TSC1: variants seen among roughly 807,000 people sequenced by gnomAD.
The protein encoded by TSC1 is TSC complex subunit 1.
A neutral mutation model predicts 124.3 loss-of-function variants in TSC1; 20 were observed. That is an observed-to-expected ratio of 0.16 (90% CI 0.11 to 0.23). TSC1 has a LOEUF of 0.23. Among genes scored for constraint, TSC1 ranks in the 10% least tolerant of loss-of-function variants. The probability of loss-of-function intolerance (pLI) is 1.00; values close to 1 mark genes in which losing one functional copy is unlikely to be tolerated. For missense variants in TSC1, 1,124 were observed against 1,448.5 expected, an observed-to-expected ratio of 0.78 and a Z score of 3.64; for synonymous variants, 493 against 539.1, an observed-to-expected ratio of 0.91 and a Z score of 1.19.
chr9:132,917,480 A>C (rs1846324569), intron 8 of TSC1, among the ~76,000 whole-genome samples: 1 of 151,842 alleles, frequency 6.6e-6, no homozygotes, highest in South Asian at 2.1e-4. Context: ...ACAGGCACCC[A>C]CCACCATGCC....
At position 132,921,293 on chromosome 9, in the gene TSC1, G is replaced by A. The variant is rs1298857695; in HGVS notation, c.737+70C>T. On this transcript the variant is annotated intron_variant, in intron 8 of 22. Coordinates refer to ENST00000298552, the MANE Select transcript of TSC1 (RefSeq NM_000368.5). The surrounding 1 kb of genome is among the most constrained non-coding windows in gnomAD (Gnocchi z 4.3). ...TATATTCCCAAATATACCTCAACAG[G>A]GATTACCTCCTAGATCACATTTTCA... 6.6e-7 allele frequency: 1 copy of A among 1,507,618 alleles called. No individual in the cohort carries two copies. Among genetic ancestry groups the A allele is most frequent in the Non-Finnish European group, 9.2e-7 (1 of 1,087,216 alleles). The allele number at this position is 1,507,618 out of a possible 1,614,324, so 93.4% of individuals were successfully genotyped here.
rs974654245 is a variant in TSC1, at chr9:132,895,078, G to A, written c.*1157C>T. ...AGACTGCTCTGCCATTACTAACATG[G>A]AGAGTGTGATGACATCAGCTCCCTG... On this transcript the variant is annotated 3_prime_UTR_variant, in exon 23 of 23. Coordinates refer to ENST00000298552, the MANE Select transcript of TSC1 (RefSeq NM_000368.5). 3 of 232,948 alleles carry A rather than the reference G, an allele frequency of 1.3e-5. No homozygotes were observed. Among genetic ancestry groups the A allele is most frequent in the African/African-American group, 6.6e-5 (3 of 45,296 alleles). The allele number at this position is 232,948 out of a possible 1,614,324, so 14.4% of individuals were successfully genotyped here.
At chr9:132,904,274 G>T in intron 16 of TSC1, 137 bp downstream of exon 16, 1 of 962,626 alleles carries the variant, frequency 1.0e-6, no homozygotes, top group Non-Finnish European at 1.6e-6. Context: ...AGATCCTTTA[G>T]CCAAGCAGAT....
At chr9:132,916,845 T>C (rs1020781447) in intron 8 of TSC1, among the ~76,000 whole-genome samples, 3 of 152,206 alleles carry the variant, frequency 2.0e-5, no homozygotes, top group Admixed American at 2.0e-4. Flanking sequence ...TCCTGACACT[T>C]TCCCTGGACA....
intron 3 of TSC1, among the ~76,000 whole-genome samples, chr9:132,928,169 CTAATT>C (rs1564504343): frequency 6.6e-6 from 1 of 152,176 alleles, no homozygotes; most frequent in Non-Finnish European, 1.5e-5. Context: ...CTCTACATAA[CTAATT>C]TAACCATTCA....
At chr9:132,936,858 A>T (rs1256364075) in intron 1 of TSC1, among the ~76,000 whole-genome samples, 1 of 152,248 alleles carries the variant, frequency 6.6e-6, no homozygotes, top group Non-Finnish European at 1.5e-5. Context: ...TACCCTAAAC[A>T]TGGAAAAAAC....
Position 132,896,060 on chromosome 9 carries a change from A to T in TSC1, c.*175T>A. On this transcript the variant is annotated 3_prime_UTR_variant, in exon 23 of 23. Transcript: ENST00000298552. This position sits in a 1 kb window ranked among gnomAD's most constrained non-coding sequence, Gnocchi z 4.5. ...GGAGGGGAAGGTCAAGAGGCATTTC[A>T]ATGCCAGATCCAAAAACCGTTCTGC... The T allele has an allele frequency of 2.2e-6, 2 of 914,158 alleles. No homozygotes were observed. Among genetic ancestry groups the T allele is most frequent in the Non-Finnish European group, 3.5e-6 (2 of 577,074 alleles). The allele number at this position is 914,158 out of a possible 1,614,324, so 56.6% of individuals were successfully genotyped here.
intron 2 of TSC1, among the ~76,000 whole-genome samples, chr9:132,933,344 G>A (rs1394439026): frequency 6.6e-6 from 1 of 152,166 alleles, no homozygotes; most frequent in Non-Finnish European, 1.5e-5. Flanking sequence ...GGGATTACGG[G>A]TGTGAGCCAC....
At position 132,894,119 on chromosome 9, in the gene TSC1, A is replaced by G; in HGVS notation, c.*2116T>C. The stretch of plus-strand genomic sequence containing the variant: ...AAAGGACACCCAGGCCGCATGGATG[A>G]GCTGAGGACCCTGTGCAGACACGTC... On this transcript the variant is annotated 3_prime_UTR_variant, in exon 23 of 23. Coordinates refer to ENST00000298552, the MANE Select transcript of TSC1 (RefSeq NM_000368.5). The G allele has an allele frequency of 4.3e-6, 1 of 233,660 alleles. No individual in the cohort carries two copies. Among genetic ancestry groups the G allele is most frequent in the Non-Finnish European group, 8.5e-6 (1 of 118,028 alleles). 14.5% of individuals were successfully genotyped at this position (233,660 alleles called of 1,614,324 possible).
chr9:132,944,877 C>T, upstream of TSC1: 1 of 334,512 alleles, frequency 3.0e-6, no homozygotes, highest in Non-Finnish European at 5.4e-6. Context: ...TGTGACTCCG[C>T]GAAGGAGGCA....
Position 132,911,034 on chromosome 9 carries a change from G to A in TSC1, c.1109C>T (p.Ser370Leu), listed in dbSNP as rs796053457. The change falls in exon 11 of 23, where the codon TCA becomes TTA. Residue 370 changes from serine (S) to leucine (L), a missense_variant. Physicochemically the swap from Ser to Leu is moderately radical, Grantham distance 145. Transcript: ENST00000298552. ...ACCAAAGACTTTACTGTAAGGGTGT[G>A]ACAGATCAGGTGGGACATTTCCAGG... is the stretch of plus-strand genomic sequence containing the variant. ...TSPGNVPPDL[S>L]HPYSKVFGTT... is the part of the protein sequence containing the mutation. 6.2e-7 allele frequency: 1 copy of A among 1,614,186 alleles called. No individual in the cohort carries two copies. The highest frequency in any genetic ancestry group is 8.5e-7 in the Non-Finnish European group (1 of 1,180,026).
Position 132,903,879 on chromosome 9 carries a change from C to A in TSC1, c.2042-62G>T. The A allele has an allele frequency of 6.3e-7, 1 of 1,588,036 alleles. No individual in the cohort carries two copies. The highest frequency in any genetic ancestry group is 1.3e-5 in the African/African-American group (1 of 74,526). ...TTTTACAGATGGTTCAATCAAGCCC[C>A]CTTCCCATGTGTTGTTAGCTTAACA... On this transcript the variant is annotated intron_variant, in intron 16 of 22. Coordinates refer to ENST00000298552, the MANE Select transcript of TSC1 (RefSeq NM_000368.5). The surrounding 1 kb of genome is among the most constrained non-coding windows in gnomAD (Gnocchi z 5.9).
chr9:132,909,190 C>A (rs1360975384), intron 12 of TSC1, among the ~76,000 whole-genome samples: 1 of 152,180 alleles, frequency 6.6e-6, no homozygotes, highest in African/African-American at 2.4e-5. Context: ...GTGTAAGCCA[C>A]TGCGCCCAGC....
chr9:132,909,268 C>A (rs1845824777), intron 12 of TSC1, among the ~76,000 whole-genome samples: 1 of 152,192 alleles, frequency 6.6e-6, no homozygotes, highest in Non-Finnish European at 1.5e-5. Flanking sequence ...ATTGGACACT[C>A]TGAAAATATT....
chr9:132,921,430 T>A lies in TSC1; in HGVS notation c.670A>T (p.Met224Leu), dbSNP rs535397245. Residue 224 changes from methionine to leucine, a missense_variant, in exon 8 of 23, where the codon ATG becomes TTG. Physicochemically the swap from Met to Leu is conservative, Grantham distance 15. This residue lies in a region of TSC1 where 463 missense variants were observed against 606.8 expected (regional missense o/e 0.76). Coordinates refer to ENST00000298552, the MANE Select transcript of TSC1 (RefSeq NM_000368.5). This position sits in a 1 kb window ranked among gnomAD's most constrained non-coding sequence, Gnocchi z 4.3. The part of the protein sequence containing the change: ...ETFEEVVKPM[M>L]EHVRIHPELV... ...TCCGGATGAATTCGCACATGCTCCA[T>A]CATTGGCTAGAAGAGTTGGGTTGAC... 4.3e-6 allele frequency: 7 copies of A among 1,614,154 alleles called. No individual in the cohort carries two copies. In the African/African-American group the frequency reaches 6.7e-5, roughly 15 times the overall value.
At position 132,923,568 on chromosome 9, in the gene TSC1, A is replaced by C; in HGVS notation, c.364-76T>G. 1 of 1,600,456 alleles carries C rather than the reference A, an allele frequency of 6.2e-7. No individual in the cohort carries two copies. The highest frequency in any genetic ancestry group is 1.1e-5 in the South Asian group (1 of 90,482). On this transcript the variant is annotated intron_variant, in intron 5 of 22. Transcript: ENST00000298552. The surrounding 1 kb of genome is among the most constrained non-coding windows in gnomAD (Gnocchi z 4.2). Reference sequence around the variant, plus strand: ...GATCGGCATTGTACAGTACATGAAGAGGCTCTAAACACTGAGAGAATCACA... The same window carrying C: ...GATCGGCATTGTACAGTACATGAAGCGGCTCTAAACACTGAGAGAATCACA...
At position 132,902,553 on chromosome 9, in the gene TSC1, A is replaced by G. The variant is rs1588300954; in HGVS notation, c.2391+52T>C. On this transcript the variant is annotated intron_variant, in intron 18 of 22. Transcript: ENST00000298552. The surrounding 1 kb of genome is among the most constrained non-coding windows in gnomAD (Gnocchi z 5.2). ...AGGGAAACTGACTGCCTCCCTCCCC[A>G]CTGCTCTCCGGCATTCTCGCAGTTG... 2.5e-6 allele frequency: 4 copies of G among 1,609,336 alleles called. No homozygotes were observed. The South Asian group carries it at 4.4e-5, about 18-fold the overall frequency.
chr9:132,912,226 T>C, intron 9 of TSC1, 56 bp downstream of exon 9: 2 of 1,601,788 alleles, frequency 1.2e-6, no homozygotes, highest in Middle Eastern at 1.7e-4. Flanking sequence ...CAAAGACAAA[T>C]AATGTTTTCC....
intron 1 of TSC1, among the ~76,000 whole-genome samples, chr9:132,936,311 C>G (rs1025085021): frequency 6.6e-6 from 1 of 152,100 alleles, no homozygotes; most frequent in South Asian, 2.1e-4. Context: ...AAGATGGGGT[C>G]TCACTATGTT....
Sources: allele counts gnomAD v4.1 joint callset (sites outside exome capture counted in the v4.1 genomes callset), GRCh38; gene constraint gnomAD v4.1.1; regional missense constraint gnomAD v4.1.1; non-coding constraint Gnocchi (gnomAD v3.1); transcripts MANE v1.5; gene names NCBI Gene and HGNC (gene_info 2026-07-23, HGNC 2026-07-21).